SRSF3: variants seen among roughly 807,000 people sequenced by gnomAD.
SRSF3 encodes serine and arginine rich splicing factor 3, also known as serine/arginine-rich splicing factor 3.
For synonymous variants in SRSF3, 87 were observed against 73.6 expected, an observed-to-expected ratio of 1.18 and a Z score of -0.93; for missense variants, 58 against 217.1, an observed-to-expected ratio of 0.27 and a Z score of 4.61.
rs1374283172 is a variant in SRSF3 at position 36,602,871 on chromosome 6, A to G, written c.*882A>G. Reference sequence around the variant, plus strand: ...AACATTCCTATTGGAAGCCATACTTATATTTTCTTGTAAAGTGCTTTTGAA... The same window carrying G: ...AACATTCCTATTGGAAGCCATACTTGTATTTTCTTGTAAAGTGCTTTTGAA... On this transcript the variant is annotated 3_prime_UTR_variant, in exon 6 of 6. Coordinates refer to ENST00000373715, the MANE Select transcript of SRSF3 (RefSeq NM_003017.5). 5.8e-5 allele frequency: 12 copies of G among 208,580 alleles called. No individual in the cohort carries two copies. The highest frequency in any genetic ancestry group is 1.6e-3 in the Middle Eastern group (1 of 644). 12.9% of individuals were successfully genotyped at this position (208,580 alleles called of 1,614,324 possible).
rs1778743227 is a variant in SRSF3 at position 36,602,982 on chromosome 6, C to T, written c.*993C>T. 9.3e-6 allele frequency: 2 copies of T among 215,724 alleles called. No individual in the cohort carries two copies. The highest frequency in any genetic ancestry group is 9.3e-6 in the Non-Finnish European group (1 of 107,034). 13.4% of individuals were successfully genotyped at this position (215,724 alleles called of 1,614,324 possible). On this transcript the variant is annotated 3_prime_UTR_variant, in exon 6 of 6. Coordinates refer to ENST00000373715, the MANE Select transcript of SRSF3 (RefSeq NM_003017.5). ...ATCCCATGGGAAGCAGTTGGTTACA[C>T]GATTCTTATTTTATAAGAAACAGCT...
chr6:36,598,134 C>A (rs370839956), intron 2 of SRSF3, among the ~76,000 whole-genome samples: 5 of 152,118 alleles, frequency 3.3e-5, no homozygotes, highest in Admixed American at 3.3e-4. Context: ...TGGTAAATAA[C>A]TGAAATAAGT....
chr6:36,599,924 T>C (rs1582513043), intron 3 of SRSF3: 1 of 1,347,926 alleles, frequency 7.4e-7, no homozygotes, highest in African/African-American at 1.5e-5. Flanking sequence ...GCTTGGCTGG[T>C]GTCGTTTCAC....
chr6:36,597,173 C>G (rs1395545398), intron 2 of SRSF3: 2 of 574,668 alleles, frequency 3.5e-6, no homozygotes, highest in African/African-American at 2.0e-5. Flanking sequence ...GGTACAGTCT[C>G]CCGCTCCCCG....
At chr6:36,596,157 C>T (rs1778623916) in intron 1 of SRSF3, among the ~76,000 whole-genome samples, 1 of 152,094 alleles carries the variant, frequency 6.6e-6, no homozygotes, top group Non-Finnish European at 1.5e-5. Flanking sequence ...CTCCTGACCT[C>T]GTGATTCGCC....
chr6:36,596,627 A>G, intron 1 of SRSF3, 134 bp from the exon 2 acceptor site: 2 of 684,312 alleles, frequency 2.9e-6, no homozygotes, highest in East Asian at 7.3e-5. Flanking sequence ...GGTTTCTAGC[A>G]TTTTTGTAAT....
intron 1 of SRSF3, among the ~76,000 whole-genome samples, chr6:36,595,269 C>T (rs572358381): frequency 2.0e-5 from 3 of 152,126 alleles, no homozygotes; most frequent in Non-Finnish European, 4.4e-5. Flanking sequence ...AGTAATAAAG[C>T]TTTATCAAAT....
chr6:36,601,104 A>T (rs751615361), intron 3 of SRSF3, 48 bp from the exon 4 acceptor site: 1 of 1,584,866 alleles, frequency 6.3e-7, no homozygotes, highest in Non-Finnish European at 8.6e-7. Flanking sequence ...GCCTCACGCC[A>T]TAAATACTAA....
chr6:36,599,640 C>T (rs1444300887), intron 3 of SRSF3: 2 of 416,708 alleles, frequency 4.8e-6, no homozygotes, highest in Non-Finnish European at 4.6e-6. Context: ...TGAGTGGAGT[C>T]CTTCTAGGAG....
intron 1 of SRSF3, chr6:36,594,746 T>G (rs1778596319): frequency 6.6e-6 from 1 of 151,684 alleles, no homozygotes; most frequent in South Asian, 2.1e-4. Flanking sequence ...ATAGCCGAGT[T>G]GTATTCCAGG....
chr6:36,600,214 C>G, intron 3 of SRSF3: 1 of 1,058,376 alleles, frequency 9.4e-7, no homozygotes, highest in Non-Finnish European at 1.1e-6. Context: ...TCAGCAAATT[C>G]TTCCTGGCCG....
chr6:36,603,979 T>A lies in SRSF3; in HGVS notation c.*1990T>A, dbSNP rs143033482. Reference sequence around the variant, plus strand: ...ACTTCACCAGGGAGTTATCCTGACTTAGGTGACATACAGTCCCAGTTGGCA... The same window carrying A: ...ACTTCACCAGGGAGTTATCCTGACTAAGGTGACATACAGTCCCAGTTGGCA... On this transcript the variant is annotated 3_prime_UTR_variant, in exon 6 of 6. Transcript: ENST00000373715. 1 of 230,486 alleles carries A rather than the reference T, an allele frequency of 4.3e-6. No homozygotes were observed. Among genetic ancestry groups the A allele is most frequent in the African/African-American group, 2.2e-5 (1 of 45,172 alleles). The allele number at this position is 230,486 out of a possible 1,614,324, so 14.3% of individuals were successfully genotyped here. A position where few individuals can be genotyped will look rare whatever the true frequency, so the allele number is the denominator to read the frequency against.
rs1778691044 is a variant in SRSF3, at chr6:36,600,199, C to A, written c.342-953C>A. The A allele has an allele frequency of 1.1e-5, 12 of 1,062,080 alleles. No homozygotes were observed. The South Asian group carries it at 3.3e-4, about 29-fold the overall frequency. The allele number at this position is 1,062,080 out of a possible 1,614,324, so 65.8% of individuals were successfully genotyped here. A position where few individuals can be genotyped will look rare whatever the true frequency, so the allele number is the denominator to read the frequency against. On this transcript the variant is annotated intron_variant, in intron 3 of 5. Coordinates refer to ENST00000373715, the MANE Select transcript of SRSF3 (RefSeq NM_003017.5). ...AAATCCAACGCAACATCTGGCAAAA[C>A]CTTTTCAGCAAATTCTTCCTGGCCG...
At position 36,603,978 on chromosome 6, in the gene SRSF3, T is replaced by C. The variant is rs187913053; in HGVS notation, c.*1989T>C. 3.4e-4 allele frequency: 79 copies of C among 230,688 alleles called. No individual in the cohort carries two copies. Among genetic ancestry groups the C allele is most frequent in the African/African-American group, 1.7e-3 (78 of 45,294 alleles). The allele number at this position is 230,688 out of a possible 1,614,324, so 14.3% of individuals were successfully genotyped here. On this transcript the variant is annotated 3_prime_UTR_variant, in exon 6 of 6. Coordinates refer to ENST00000373715, the MANE Select transcript of SRSF3 (RefSeq NM_003017.5). The stretch of plus-strand genomic sequence containing the variant: ...AACTTCACCAGGGAGTTATCCTGAC[T>C]TAGGTGACATACAGTCCCAGTTGGC...
In SRSF3 at chr6:36,602,101, T is replaced by A; in HGVS notation, c.*112T>A. On this transcript the variant is annotated 3_prime_UTR_variant, in exon 6 of 6. Coordinates refer to ENST00000373715, the MANE Select transcript of SRSF3 (RefSeq NM_003017.5). ...TCATAAGCTTGGTGCATTTTTAAGA[T>A]GTTTTAGCTGTTCAAATCTGTTTGT... 6.6e-7 allele frequency: 1 copy of A among 1,521,168 alleles called. No individual in the cohort carries two copies. The highest frequency in any genetic ancestry group is 8.8e-7 in the Non-Finnish European group (1 of 1,138,990). 94.2% of individuals were successfully genotyped at this position (1,521,168 alleles called of 1,614,324 possible). A position where few individuals can be genotyped will look rare whatever the true frequency, so the allele number is the denominator to read the frequency against.
chr6:36,602,151 G>A lies in SRSF3; in HGVS notation c.*162G>A, dbSNP rs1778728621. On this transcript the variant is annotated 3_prime_UTR_variant, in exon 6 of 6. Coordinates refer to ENST00000373715, the MANE Select transcript of SRSF3 (RefSeq NM_003017.5). ...TCTCTTGAAACAGTGACACAAAGGTGTAATTCTCTATGGTTTGAAATGGAT... is the reference window on the plus strand; with the variant it reads ...TCTCTTGAAACAGTGACACAAAGGTATAATTCTCTATGGTTTGAAATGGAT... 7.4e-6 allele frequency: 10 copies of A among 1,349,522 alleles called. No homozygotes were observed. In the South Asian group the frequency reaches 1.1e-4, roughly 15 times the overall value. The allele number at this position is 1,349,522 out of a possible 1,614,324, so 83.6% of individuals were successfully genotyped here. A position where few individuals can be genotyped will look rare whatever the true frequency, so the allele number is the denominator to read the frequency against.
Position 36,602,105 on chromosome 6 carries a change from T to G in SRSF3, c.*116T>G. The G allele has an allele frequency of 6.6e-7, 1 of 1,520,946 alleles. No individual in the cohort carries two copies. The highest frequency in any genetic ancestry group is 8.8e-7 in the Non-Finnish European group (1 of 1,138,884). The allele number at this position is 1,520,946 out of a possible 1,614,324, so 94.2% of individuals were successfully genotyped here. A position where few individuals can be genotyped will look rare whatever the true frequency, so the allele number is the denominator to read the frequency against. The stretch of plus-strand genomic sequence containing the variant: ...AAGCTTGGTGCATTTTTAAGATGTT[T>G]TAGCTGTTCAAATCTGTTTGTCTCT... On this transcript the variant is annotated 3_prime_UTR_variant, in exon 6 of 6. Coordinates refer to ENST00000373715, the MANE Select transcript of SRSF3 (RefSeq NM_003017.5).
intron 2 of SRSF3, chr6:36,597,226 C>G (rs1423896467): frequency 5.9e-6 from 3 of 508,470 alleles, no homozygotes; most frequent in Non-Finnish European, 1.1e-5. Flanking sequence ...CTGCCTCAGC[C>G]TTCTGAGTAA....
chr6:36,600,189 T>G, intron 3 of SRSF3: 1 of 1,070,882 alleles, frequency 9.3e-7, no homozygotes. Context: ...CAACGCAACA[T>G]CTGGCAAAAC....
Sources: gnomAD v4.1 joint callset for allele counts (sites outside exome capture counted in the v4.1 genomes callset) on GRCh38, gnomAD v4.1.1 for gene constraint, MANE v1.5 for transcripts, NCBI Gene and HGNC (gene_info 2026-07-23, HGNC 2026-07-21) for gene names.